The following EVI5 variants were observed in gnomAD, a reference collection of about 807,000 sequenced individuals.
EVI5 encodes the protein ecotropic viral integration site 5, also known as ecotropic viral integration site 5 protein homolog.
In EVI5, 73 loss-of-function variants were observed where a neutral mutation model predicts 112.0. That is an observed-to-expected ratio of 0.65 (90% CI 0.54 to 0.79). The LOEUF (loss-of-function observed/expected upper bound fraction) is 0.79. EVI5 is among the 30% of genes least tolerant of loss of function. The probability of loss-of-function intolerance (pLI) is 0.00; values close to 1 mark genes in which losing one functional copy is unlikely to be tolerated. For missense variants in EVI5, 900 were observed against 968.8 expected (o/e 0.93, Z 0.94); for synonymous variants, 305 against 319.9 (o/e 0.95, Z 0.50).
chr1:92,716,641 G>A (rs1290402581), intron 2 of EVI5, among the ~76,000 whole-genome samples: 1 of 150,280 alleles, frequency 6.7e-6, no homozygotes, highest in East Asian at 1.9e-4. Context: ...GACAGAAATA[G>A]GCTTCAGAAG....
intron 1 of EVI5, chr1:92,784,442 A>G: frequency 1.4e-5 from 14 of 985,266 alleles, no homozygotes; most frequent in South Asian, 4.7e-5. Context: ...CAGGGGGGCG[A>G]GTGCTCTCGC....
chr1:92,726,374 A>C (rs1675571916), intron 2 of EVI5, among the ~76,000 whole-genome samples: 1 of 152,200 alleles, frequency 6.6e-6, no homozygotes, highest in African/African-American at 2.4e-5. Context: ...TTTCTCACTG[A>C]AAACACAAGA....
chr1:92,534,794 A>G (rs542587784), intron 19 of EVI5, among the ~76,000 whole-genome samples: 6 of 152,366 alleles, frequency 3.9e-5, no homozygotes, highest in Admixed American at 3.3e-4. Context: ...AAAGACTTAA[A>G]CGTAAGACCT....
intron 16 of EVI5, among the ~76,000 whole-genome samples, chr1:92,621,076 C>T (rs1654456089): frequency 6.6e-6 from 1 of 151,206 alleles, no homozygotes; most frequent in Admixed American, 6.6e-5. Flanking sequence ...GGAACAACCA[C>T]TAAAAAAACT....
chr1:92,745,269 G>A (rs568750050), intron 1 of EVI5, among the ~76,000 whole-genome samples: 26 of 151,964 alleles, frequency 1.7e-4, no homozygotes, highest in Non-Finnish European at 3.4e-4. Flanking sequence ...AACAAATTCT[G>A]AGAAATGCTG....
chr1:92,782,312 G>GAA (rs562584280), intron 1 of EVI5, among the ~76,000 whole-genome samples: 1 of 150,386 alleles, frequency 6.6e-6, no homozygotes, highest in Non-Finnish European at 1.5e-5. Flanking sequence ...CTCCAGGCAT[G>GAA]AAAAAAAACA....
chr1:92,687,639 C>A (rs896191198), intron 9 of EVI5, among the ~76,000 whole-genome samples: 2 of 152,150 alleles, frequency 1.3e-5, no homozygotes, highest in Non-Finnish European at 2.9e-5. Context: ...GCAATCTACC[C>A]ATCTGACAAA....
At chr1:92,529,149 A>G (rs1241462710) in intron 19 of EVI5, among the ~76,000 whole-genome samples, 1 of 152,184 alleles carries the variant, frequency 6.6e-6, no homozygotes, top group Non-Finnish European at 1.5e-5. Flanking sequence ...TTTCCTGTTT[A>G]GTACATTTTC....
chr1:92,767,497 A>C (rs950983034), intron 1 of EVI5, among the ~76,000 whole-genome samples: 1 of 152,234 alleles, frequency 6.6e-6, no homozygotes, highest in African/African-American at 2.4e-5. Context: ...ATATACGTAA[A>C]AGAAAAGAGT....
intron 14 of EVI5, among the ~76,000 whole-genome samples, chr1:92,634,731 T>G (rs1658349343): frequency 6.6e-6 from 1 of 152,244 alleles, no homozygotes; most frequent in African/African-American, 2.4e-5. Flanking sequence ...AGGAGCTGCG[T>G]TCCTTTAGAG....
intron 13 of EVI5, among the ~76,000 whole-genome samples, chr1:92,661,229 A>G (rs1265941068): frequency 1.3e-5 from 2 of 152,130 alleles, no homozygotes; most frequent in African/African-American, 4.8e-5. Flanking sequence ...TTATTCTGAA[A>G]CTTTGAAGAA....
At chr1:92,775,149 T>C (rs1473379336) in intron 1 of EVI5, among the ~76,000 whole-genome samples, 1 of 152,210 alleles carries the variant, frequency 6.6e-6, no homozygotes, top group Non-Finnish European at 1.5e-5. Flanking sequence ...AGTCCCTGCC[T>C]GAGCATAGTG....
intron 19 of EVI5, among the ~76,000 whole-genome samples, chr1:92,549,476 T>A (rs7414142): frequency 0.85 from 127,967 of 150,446 alleles, 54,795 homozygotes; most frequent in East Asian, 0.97. Flanking sequence ...AGCAATGGCA[T>A]CAAAAGCCAA....
chr1:92,516,796 C>T (rs1659963229), intron 19 of EVI5, among the ~76,000 whole-genome samples: 1 of 152,002 alleles, frequency 6.6e-6, no homozygotes, highest in Admixed American at 6.6e-5. Context: ...ACTGCTTATC[C>T]TTATTACCAG....
chr1:92,588,940 C>T (rs573162154), intron 18 of EVI5, among the ~76,000 whole-genome samples: 22 of 152,218 alleles, frequency 1.4e-4, no homozygotes, highest in Admixed American at 9.2e-4. Flanking sequence ...AAATAATGGT[C>T]CTTACCCTCA....
At chr1:92,718,409 T>C (rs1057076274) in intron 2 of EVI5, among the ~76,000 whole-genome samples, 1 of 151,936 alleles carries the variant, frequency 6.6e-6, no homozygotes, top group Non-Finnish European at 1.5e-5. Context: ...CGCACAATTA[T>C]ATGGAAACTG....
intron 1 of EVI5, among the ~76,000 whole-genome samples, chr1:92,770,885 G>A (rs972153502): frequency 9.2e-5 from 14 of 151,384 alleles, no homozygotes; most frequent in African/African-American, 2.7e-4. Flanking sequence ...GCCCGATCCC[G>A]GTTCACTGCA....
rs756768208 is a variant in EVI5, at chr1:92,624,352, A to G, written c.1669-18T>C. On this transcript the variant is annotated intron_variant, in intron 15 of 19. Coordinates refer to ENST00000684568, the MANE Select transcript of EVI5 (RefSeq NM_001350197.2). ...AAGTGGCGCTAAAGCATAAAAAATT[A>G]TATTGCAACAAATACTCTCAGTATC... The G allele has an allele frequency of 9.3e-6, 15 of 1,605,862 alleles. No individual in the cohort carries two copies. In the East Asian group the frequency reaches 2.9e-4, roughly 31 times the overall value.
intron 18 of EVI5, among the ~76,000 whole-genome samples, chr1:92,581,702 A>AC (rs923268977): frequency 5.9e-5 from 9 of 152,020 alleles, no homozygotes; most frequent in African/African-American, 1.2e-4. Flanking sequence ...TTAAAAAAAA[A>AC]AAAACTATTT....
Sources: gnomAD v4.1 joint callset for allele counts (sites outside exome capture counted in the v4.1 genomes callset) on GRCh38, gnomAD v4.1.1 for gene constraint, MANE v1.5 for transcripts, NCBI Gene and HGNC (gene_info 2026-07-23, HGNC 2026-07-21) for gene names.